Variants in INPP5A observed in about 807,000 individuals in gnomAD.
INPP5A encodes inositol polyphosphate-5-phosphatase A, also known as 43 kDa inositol polyphosphate 5-phophatase.
In INPP5A, 14 loss-of-function variants were observed where a neutral mutation model predicts 65.2. That is an observed-to-expected ratio of 0.21 (90% CI 0.14 to 0.34). The LOEUF is 0.34. Ranked by LOEUF, INPP5A falls within the 10% of genes least tolerant of loss-of-function variation. The probability of loss-of-function intolerance (pLI) is 1.00; values close to 1 mark genes in which losing one functional copy is unlikely to be tolerated. For missense variants in INPP5A, 431 were observed against 545.6 expected, an observed-to-expected ratio of 0.79 and a Z score of 2.09; for synonymous variants, 207 against 208.3, an observed-to-expected ratio of 0.99 and a Z score of 0.05.
chr10:132,779,872 A>G (rs999661195), intron 13 of INPP5A, among the ~76,000 whole-genome samples: 2 of 152,324 alleles, frequency 1.3e-5, no homozygotes, highest in East Asian at 3.9e-4. Flanking sequence ...AGCCTCGGTG[A>G]CAAGTGTTCA....
At position 132,680,807 on chromosome 10, in the gene INPP5A, C is replaced by T. The variant is rs1173930507; in HGVS notation, c.307-9585C>T. Among the ~76,000 whole-genome samples the T allele has an allele frequency of 5.9e-5, 9 of 152,376 alleles. No homozygotes were observed. In the East Asian group the frequency reaches 1.5e-3, roughly 26 times the overall value. ...GGCTTAGCACCCGGGCCAGCAGCTG[C>T]GGAGGGTGTACTGGGTCCCCCAGCA... On this transcript the variant is annotated intron_variant, in intron 4 of 15. Transcript: ENST00000368594.
chr10:132,576,584 A>G (rs553420163), intron 1 of INPP5A, among the ~76,000 whole-genome samples: 9 of 152,338 alleles, frequency 5.9e-5, no homozygotes, highest in Admixed American at 4.6e-4. Context: ...TAAACTGCAC[A>G]TGATATCATT....
At chr10:132,699,099 G>T (rs1845393695) in intron 6 of INPP5A, among the ~76,000 whole-genome samples, 1 of 152,210 alleles carries the variant, frequency 6.6e-6, no homozygotes, top group Non-Finnish European at 1.5e-5. Context: ...ATGCAAGAAA[G>T]CTCCATGGTC....
At chr10:132,715,581 C>T (rs907469888) in intron 8 of INPP5A, among the ~76,000 whole-genome samples, 12 of 152,372 alleles carry the variant, frequency 7.9e-5, no homozygotes, top group Non-Finnish European at 1.3e-4. Context: ...CATCAGTTAG[C>T]TGTCAGCCGC....
chr10:132,579,252 CG>C (rs950268298), intron 1 of INPP5A, among the ~76,000 whole-genome samples: 16 of 150,780 alleles, frequency 1.1e-4, no homozygotes, highest in Non-Finnish European at 3.0e-5. Flanking sequence ...GAGGGGACCG[CG>C]GGGCGGGGTG....
At chr10:132,716,461 C>T (rs943435739) in intron 8 of INPP5A, among the ~76,000 whole-genome samples, 4 of 152,206 alleles carry the variant, frequency 2.6e-5, no homozygotes, top group Non-Finnish European at 5.9e-5. Flanking sequence ...CGGAGTCTGC[C>T]GGACGTCTCC....
Position 132,697,319 on chromosome 10 carries a change from G to A in INPP5A, c.371-497G>A, listed in dbSNP as rs1845360804. On this transcript the variant is annotated intron_variant, in intron 5 of 15. Transcript: ENST00000368594. This position sits in a 1 kb window ranked among gnomAD's most constrained non-coding sequence, Gnocchi z 5.6. ...CTGGCCTATCCACTGGGGGGTCCAG[G>A]AAAGGTGCCAAGCAGCCACTGGCAA... 6.6e-6 allele frequency among the ~76,000 whole-genome samples: 1 copy of A among 152,260 alleles called. No homozygotes were observed. Among genetic ancestry groups the A allele is most frequent in the African/African-American group, 2.4e-5 (1 of 41,476 alleles).
intron 12 of INPP5A, among the ~76,000 whole-genome samples, chr10:132,776,338 C>A (rs867381180): frequency 6.6e-6 from 1 of 151,958 alleles, no homozygotes. Flanking sequence ...GCTCCTGCGT[C>A]AGGGCAGAGC....
intron 9 of INPP5A, among the ~76,000 whole-genome samples, chr10:132,748,219 T>C (rs937051745): frequency 6.6e-6 from 1 of 151,972 alleles, no homozygotes; most frequent in Admixed American, 6.6e-5. Context: ...TGCCTCTGTC[T>C]CTCCGACTTC....
chr10:132,728,239 A>G (rs1395290572), intron 9 of INPP5A, among the ~76,000 whole-genome samples: 2 of 152,206 alleles, frequency 1.3e-5, no homozygotes, highest in African/African-American at 2.4e-5. Flanking sequence ...TGAGGAGCAC[A>G]TGGAGTTTTT....
intron 12 of INPP5A, among the ~76,000 whole-genome samples, chr10:132,766,921 G>C (rs1846856782): frequency 6.8e-6 from 1 of 147,376 alleles, no homozygotes. Flanking sequence ...GGGCTTGGGT[G>C]GGAGCCGGAG....
At chr10:132,677,534 G>A (rs948484501) in intron 4 of INPP5A, among the ~76,000 whole-genome samples, 4 of 152,240 alleles carry the variant, frequency 2.6e-5, no homozygotes, top group Admixed American at 6.5e-5. Context: ...GGTAGCAGGC[G>A]AGAAGCCAGG....
At chr10:132,632,163 G>T (rs146772389) in intron 2 of INPP5A, among the ~76,000 whole-genome samples, 2 of 152,240 alleles carry the variant, frequency 1.3e-5, no homozygotes, top group African/African-American at 2.4e-5. Flanking sequence ...ACACTGTGGC[G>T]TGGCCTTTCC....
intron 13 of INPP5A, among the ~76,000 whole-genome samples, chr10:132,778,437 C>G (rs1220690909): frequency 6.6e-6 from 1 of 150,812 alleles, no homozygotes; most frequent in Non-Finnish European, 1.5e-5. Context: ...ACCCAGACTA[C>G]AGGCAGGAGC....
chr10:132,760,694 C>G (rs924507282), intron 11 of INPP5A, among the ~76,000 whole-genome samples: 10 of 152,208 alleles, frequency 6.6e-5, no homozygotes, highest in Non-Finnish European at 1.5e-5. Flanking sequence ...GCAGCGTGTG[C>G]TTCCTCATGA....
chr10:132,629,962 G>C (rs987294899), intron 2 of INPP5A, among the ~76,000 whole-genome samples: 1 of 151,786 alleles, frequency 6.6e-6, no homozygotes. Context: ...TGTTCTTGAG[G>C]GCAAAGCGTT....
At chr10:132,760,560 C>A (rs1846714447) in intron 11 of INPP5A, among the ~76,000 whole-genome samples, 1 of 152,262 alleles carries the variant, frequency 6.6e-6, no homozygotes, top group Non-Finnish European at 1.5e-5. Context: ...GGGACAACTT[C>A]ATTAAGGACG....
chr10:132,583,548 C>G (rs560693536), intron 1 of INPP5A, among the ~76,000 whole-genome samples: 2 of 151,212 alleles, frequency 1.3e-5, no homozygotes, highest in Non-Finnish European at 2.9e-5. Context: ...TGTCATTGTT[C>G]CTTTAAAAAA....
intron 1 of INPP5A, among the ~76,000 whole-genome samples, chr10:132,599,309 T>C (rs1408114999): frequency 6.6e-6 from 1 of 152,128 alleles, no homozygotes; most frequent in Non-Finnish European, 1.5e-5. Context: ...ATGGGAGAAA[T>C]TGGCCAAAAC....
Sources: gnomAD v4.1 joint callset for allele counts (sites outside exome capture counted in the v4.1 genomes callset) on GRCh38, gnomAD v4.1.1 for gene constraint, Gnocchi (gnomAD v3.1) non-coding constraint, MANE v1.5 for transcripts, NCBI Gene and HGNC (gene_info 2026-07-23, HGNC 2026-07-21) for gene names.